The following CTU2 variants were observed in gnomAD, a reference collection of about 807,000 sequenced individuals.
CTU2 encodes cytoplasmic tRNA 2-thiolation protein 2.
In CTU2, 80 loss-of-function variants were observed where a neutral mutation model predicts 64.1. That is an observed-to-expected ratio of 1.25 (90% CI 1.04 to 1.50). The LOEUF (loss-of-function observed/expected upper bound fraction) is 1.50, where lower values mean the gene tolerates loss of function less well. Among genes scored for constraint, CTU2 ranks in the 40% most tolerant of loss-of-function variants. The probability of loss-of-function intolerance (pLI) is 0.00; values close to 1 mark genes in which losing one functional copy is unlikely to be tolerated. For synonymous variants in CTU2, 482 were observed against 285.3 expected (o/e 1.69, Z -6.95); for missense variants, 1,110 against 690.2 (o/e 1.61, Z -6.81).
At chr16:88,710,408 C>T (rs1409572237) in intron 4 of CTU2, 126 bp downstream of exon 4, 1 of 916,984 alleles carries the variant, frequency 1.1e-6, no homozygotes, top group African/African-American at 1.7e-5. Context: ...GGCCTGGACA[C>T]TTGGGGGGTT....
chr16:88,714,972 AAG>A (rs1376437307), intron 13 of CTU2, 46 bp downstream of exon 13: 1 of 1,559,430 alleles, frequency 6.4e-7, no homozygotes, highest in Non-Finnish European at 8.7e-7. Context: ...GGGACGCGGG[AAG>A]GCCGTCACCT....
intron 2 of CTU2, among the ~76,000 whole-genome samples, chr16:88,708,137 C>T (rs1282797385): frequency 6.6e-6 from 1 of 152,148 alleles, no homozygotes; most frequent in African/African-American, 2.4e-5. Flanking sequence ...CTTTAACCAC[C>T]CAGGAGCATC....
rs1045632037 is a variant in CTU2 at position 88,711,939 on chromosome 16, G to T, written c.343+244G>T. 3.3e-6 allele frequency: 2 copies of T among 603,462 alleles called. 1 individual carries two copies. Among genetic ancestry groups the T allele is most frequent in the South Asian group, 3.9e-5 (2 of 50,658 alleles). The allele number at this position is 603,462 out of a possible 1,614,324, so 37.4% of individuals were successfully genotyped here. A position where few individuals can be genotyped will look rare whatever the true frequency, so the allele number is the denominator to read the frequency against. The stretch of plus-strand genomic sequence containing the variant: ...TAAGAACATCCTTAGAAAGTCGGGG[G>T]TGGGAGCAGGAGTGGCGGCTGCCCA... On this transcript the variant is annotated intron_variant, in intron 5 of 14. Transcript: ENST00000453996.
rs1160312574 is a variant in CTU2 at position 88,710,024 on chromosome 16, C to A, written c.222+8C>A. 3 of 1,613,796 alleles carry A rather than the reference C, an allele frequency of 1.9e-6. No individual in the cohort carries two copies. Among genetic ancestry groups the A allele is most frequent in the Non-Finnish European group, 2.5e-6 (3 of 1,179,926 alleles). ...ATCTTTCCAGGCGAGAAGGTAGCGT[C>A]TGGGTCCTGGGGGTCTGACTGAGCA... On this transcript the variant is annotated splice_region_variant and intron_variant, in intron 3 of 14. Coordinates refer to ENST00000453996, the MANE Select transcript of CTU2 (RefSeq NM_001012759.3).
intron 2 of CTU2, among the ~76,000 whole-genome samples, chr16:88,708,479 C>A (rs772876843): frequency 6.6e-6 from 1 of 151,988 alleles, no homozygotes; most frequent in African/African-American, 2.4e-5. Flanking sequence ...TCTCCTGGTC[C>A]ACAGTGCGGA....
intron 2 of CTU2, among the ~76,000 whole-genome samples, chr16:88,707,808 TGTTG>T (rs1175056767): frequency 3.3e-5 from 1 of 30,664 alleles, no homozygotes; most frequent in African/African-American, 1.1e-4. Flanking sequence ...TTGTTGTTGT[TGTTG>T]TTTTTTTTGA....
chr16:88,713,755 TTCACACCAGCCG>T lies in CTU2; in HGVS notation c.985_996del (p.Thr329_Val332del). ...CCGCCTGTTCTCCGTTCCTTCTGTC[TTCACACCAGCCG>T]TCGACACCAAGGTGGGCCTTGTGGG... On this transcript the variant is annotated inframe_deletion, in exon 9 of 15. Transcript: ENST00000453996. 1 of 1,612,722 alleles carries T rather than the reference TTCACACCAGCCG, an allele frequency of 6.2e-7. No individual in the cohort carries two copies. Among genetic ancestry groups the T allele is most frequent in the Non-Finnish European group, 8.5e-7 (1 of 1,179,900 alleles).
At chr16:88,710,166 G>A (rs574363880) in intron 3 of CTU2, 57 bp from the exon 4 acceptor site, 4 of 1,600,784 alleles carry the variant, frequency 2.5e-6, no homozygotes, top group East Asian at 2.2e-5. Flanking sequence ...TCCACGAGGT[G>A]GGGTGTCTGC....
Position 88,712,662 on chromosome 16 carries a change from AGG to A in CTU2, c.495_496del (p.Glu166AlafsTer57). The A allele has an allele frequency of 1.9e-6, 3 of 1,610,614 alleles. No individual in the cohort carries two copies. Among genetic ancestry groups the A allele is most frequent in the Non-Finnish European group, 2.5e-6 (3 of 1,179,564 alleles). On this transcript the variant is annotated frameshift_variant, in exon 7 of 15. Coordinates refer to ENST00000453996, the MANE Select transcript of CTU2 (RefSeq NM_001012759.3). LOFTEE classifies it high-confidence loss of function. ...CCGTCGGTGCTTTGGTGCTCTGCCC[AGG>A]AGCTGGTGGGATCCGAGGGGGCCTA... is the stretch of plus-strand genomic sequence containing the variant.
At chr16:88,714,110 A>T in intron 9 of CTU2, 26 bp from the exon 10 acceptor site, 1 of 1,608,390 alleles carries the variant, frequency 6.2e-7, no homozygotes, top group Non-Finnish European at 8.5e-7. Context: ...GGGCTTTCCC[A>T]TAGCCTCCAA....
chr16:88,715,097 G>C lies in CTU2; in HGVS notation c.1469G>C (p.Arg490Pro), dbSNP rs371995838. The change falls in exon 14 of 15, where the codon CGC becomes CCC. Residue 490 changes from arginine (R) to proline (P), a missense_variant. By Grantham distance (103) the Arg-to-Pro change is moderately radical. Coordinates refer to ENST00000453996, the MANE Select transcript of CTU2 (RefSeq NM_001012759.3). ...TACATCCTGGCTGAGGCCCAGCTCC[G>C]CACACAGAGGTACTGGGGCCCACAC... ...PPYILAEAQL[R>P]TQRAWGLQEI... 6.3e-7 allele frequency: 1 copy of C among 1,584,422 alleles called. No homozygotes were observed. Among genetic ancestry groups the C allele is most frequent in the Admixed American group, 1.7e-5 (1 of 58,086 alleles).
Position 88,712,576 on chromosome 16 carries a change from C to T in CTU2, c.454-46C>T, listed in dbSNP as rs1306362025. The T allele has an allele frequency of 5.7e-6, 9 of 1,587,282 alleles. No individual in the cohort carries two copies. In the South Asian group the frequency reaches 6.8e-5, roughly 12 times the overall value. ...AAGGTGGGGCTGTCTGTGGGGGGCACCTGCCCGTGTCCCGGGCCTCACTGG... is the reference window on the plus strand; with the variant it reads ...AAGGTGGGGCTGTCTGTGGGGGGCATCTGCCCGTGTCCCGGGCCTCACTGG... On this transcript the variant is annotated intron_variant, in intron 6 of 14. Coordinates refer to ENST00000453996, the MANE Select transcript of CTU2 (RefSeq NM_001012759.3).
intron 5 of CTU2, 177 bp from the exon 6 acceptor site, chr16:88,712,097 C>T (rs528406956): frequency 5.6e-6 from 4 of 715,868 alleles, no homozygotes; most frequent in Non-Finnish European, 5.0e-6. Context: ...GCGCTGAGGT[C>T]AGCCGCAAGA....
intron 4 of CTU2, 101 bp from the exon 5 acceptor site, chr16:88,711,534 C>A: frequency 8.2e-7 from 1 of 1,216,008 alleles, no homozygotes. Flanking sequence ...ACCACTTCAC[C>A]TTCCAAGATG....
chr16:88,707,045 G>A (rs1227985077), intron 1 of CTU2, 91 bp from the exon 2 acceptor site: 5 of 1,320,280 alleles, frequency 3.8e-6, no homozygotes, highest in Admixed American at 3.4e-5. Context: ...CCAACTCAGG[G>A]TGAGAAACAG....
At chr16:88,711,118 C>G (rs1911286564) in intron 4 of CTU2, among the ~76,000 whole-genome samples, 1 of 152,026 alleles carries the variant, frequency 6.6e-6, no homozygotes, top group Admixed American at 6.5e-5. Context: ...GCGCATGGCA[C>G]AACACTGCTG....
In CTU2 at chr16:88,706,837, T is replaced by C. The variant is rs1037760851; in HGVS notation, c.68+239T>C. 5.0e-5 allele frequency: 28 copies of C among 556,514 alleles called. No homozygotes were observed. In the African/African-American group the frequency reaches 5.1e-4, roughly 10 times the overall value. 34.5% of individuals were successfully genotyped at this position (556,514 alleles called of 1,614,324 possible). ...GACGGCTCTGCCGCTGACAGTGCTG[T>C]CCTTATTCGGAGAGAACTGGTGCCG... On this transcript the variant is annotated intron_variant, in intron 1 of 14. Coordinates refer to ENST00000453996, the MANE Select transcript of CTU2 (RefSeq NM_001012759.3).
rs759373470 is a variant in CTU2, at chr16:88,713,791, G to A, written c.1005+13G>A. 4.3e-6 allele frequency: 7 copies of A among 1,611,502 alleles called. No individual in the cohort carries two copies. The highest frequency in any genetic ancestry group is 5.1e-6 in the Non-Finnish European group (6 of 1,178,906). ...CGTCGACACCAAGGTGGGCCTTGTGGGCTGGGCAACCTCTCTCACCATTGA... is the reference window on the plus strand; with the variant it reads ...CGTCGACACCAAGGTGGGCCTTGTGAGCTGGGCAACCTCTCTCACCATTGA... On this transcript the variant is annotated intron_variant, in intron 9 of 14. Transcript: ENST00000453996.
At chr16:88,707,235 C>G (rs896582884) in intron 2 of CTU2, 25 bp downstream of exon 2, 2 of 1,609,530 alleles carry the variant, frequency 1.2e-6, no homozygotes, top group Non-Finnish European at 8.5e-7. Context: ...TGGCTGAGAC[C>G]CTGGCAAACA....
Sources: allele counts gnomAD v4.1 joint callset (sites outside exome capture counted in the v4.1 genomes callset), GRCh38; gene constraint gnomAD v4.1.1; transcripts MANE v1.5; gene names NCBI Gene and HGNC (gene_info 2026-07-23, HGNC 2026-07-21).